The following CTBP1 variants were observed in gnomAD, a reference collection of about 807,000 sequenced individuals.
The protein encoded by CTBP1 is C-terminal-binding protein 1.
CTBP1 carries 11 observed loss-of-function variants against 42.1 expected under a neutral mutation model. The observed-to-expected ratio is 0.26, with a 90% CI of 0.16 to 0.43. CTBP1 has a LOEUF of 0.43. Ranked by LOEUF, CTBP1 falls within the 20% of genes least tolerant of loss-of-function variation. The pLI is 1.00. For synonymous variants in CTBP1, 324 were observed against 277.1 expected, an observed-to-expected ratio of 1.17 and a Z score of -1.68; for missense variants, 399 against 624.3, an observed-to-expected ratio of 0.64 and a Z score of 3.85.
intron 5 of CTBP1, among the ~76,000 whole-genome samples, chr4:1,222,784 G>A (rs1577033892): frequency 6.9e-6 from 1 of 145,754 alleles, no homozygotes; most frequent in Non-Finnish European, 1.5e-5. Context: ...TCAGGCCTCA[G>A]AGTGGCCACG....
intron 5 of CTBP1, among the ~76,000 whole-genome samples, chr4:1,225,013 C>G (rs1042601410): frequency 4.0e-5 from 6 of 151,814 alleles, no homozygotes; most frequent in African/African-American, 1.5e-4. Context: ...TATCTATGTG[C>G]CCATGAAGCC....
intron 5 of CTBP1, among the ~76,000 whole-genome samples, chr4:1,222,735 T>C (rs1264877213): frequency 6.6e-6 from 1 of 152,106 alleles, no homozygotes; most frequent in South Asian, 2.1e-4. Flanking sequence ...AGGGGCTGGT[T>C]GGGCCCAGCT....
At chr4:1,223,555 C>T in intron 5 of CTBP1, 1 of 452,622 alleles carries the variant, frequency 2.2e-6, no homozygotes, top group Non-Finnish European at 4.4e-6. Flanking sequence ...CAAGGGGAGT[C>T]CCTGGCATGG....
In CTBP1 at chr4:1,225,514, C is replaced by G. The variant is rs778804693; in HGVS notation, c.360G>C (p.Ser120=). 6.5e-6 allele frequency: 10 copies of G among 1,544,976 alleles called. No homozygotes were observed. The highest frequency in any genetic ancestry group is 5.9e-5 in the Admixed American group (3 of 51,020). ...ACAGGTTCAGGATGTGGCACAGCGTCGAGTCGGCCGTCTCCTCCACAGACG... is the reference window on the plus strand; with the variant it reads ...ACAGGTTCAGGATGTGGCACAGCGTGGAGTCGGCCGTCTCCTCCACAGACG... ...PAASVEETAD[S]TLCHILNLYR... Residue 120 remains serine, a synonymous_variant, in exon 5 of 10, where the codon TCG becomes TCC. Coordinates refer to ENST00000382952, the MANE Select transcript of CTBP1 (RefSeq NM_001012614.2).
chr4:1,249,733 C>T (rs2108819195), upstream of CTBP1: 1 of 375,668 alleles, frequency 2.7e-6, no homozygotes, highest in South Asian at 1.8e-5. Flanking sequence ...GCCCCGACTC[C>T]TGGAGGGACC....
At chr4:1,222,787 T>C (rs1729895205) in intron 5 of CTBP1, among the ~76,000 whole-genome samples, 1 of 150,354 alleles carries the variant, frequency 6.7e-6, no homozygotes, top group Non-Finnish European at 1.5e-5. Context: ...GGCCTCAGAG[T>C]GGCCACGGGA....
chr4:1,228,251 G>A lies in CTBP1; in HGVS notation c.255C>T (p.Val85=). 6.2e-7 allele frequency: 1 copy of A among 1,614,214 alleles called. No individual in the cohort carries two copies. Among genetic ancestry groups the A allele is most frequent in the East Asian group, 2.2e-5 (1 of 44,882 alleles). The part of the protein sequence containing the change: ...LEKFKALRII[V]RIGSGFDNID... ...TGTTGTCAAAACCACTGCCAATCCGGACGATGATGCGGAGGGCTTTGAACT... is the reference window on the plus strand; with the variant it reads ...TGTTGTCAAAACCACTGCCAATCCGAACGATGATGCGGAGGGCTTTGAACT... Residue 85 remains valine, a synonymous_variant, in exon 4 of 10, where the codon GTC becomes GTT. Transcript: ENST00000382952.
chr4:1,241,334 C>G lies in CTBP1; in HGVS notation c.-3G>C, dbSNP rs1241002328. On this transcript the variant is annotated 5_prime_UTR_variant, in exon 2 of 10. Transcript: ENST00000382952. ...AGGAACCCCTACCAACCTGACATCT[C>G]TTAATATGGGCTCAGCTTCCACGAC... 1 of 904,846 alleles carries G rather than the reference C, an allele frequency of 1.1e-6. No homozygotes were observed. The highest frequency in any genetic ancestry group is 2.4e-5 in the East Asian group (1 of 41,772). The allele number at this position is 904,846 out of a possible 1,614,324, so 56.1% of individuals were successfully genotyped here. A position where few individuals can be genotyped will look rare whatever the true frequency, so the allele number is the denominator to read the frequency against.
intron 5 of CTBP1, among the ~76,000 whole-genome samples, chr4:1,219,886 A>T (rs1729545242): frequency 6.6e-6 from 1 of 152,232 alleles, no homozygotes; most frequent in Non-Finnish European, 1.5e-5. Flanking sequence ...ACTCAAGTGT[A>T]TTTCTACCTA....
At position 1,220,039 on chromosome 4, in the gene CTBP1, T is replaced by G. The variant is rs1057373316; in HGVS notation, c.515-3834A>C. ...CAACATGGCAAAAACTTGTCTCTACTAAAAATACAAAAATTAGCCAGGCAT... is the reference window on the plus strand; with the variant it reads ...CAACATGGCAAAAACTTGTCTCTACGAAAAATACAAAAATTAGCCAGGCAT... On this transcript the variant is annotated intron_variant, in intron 5 of 9. Coordinates refer to ENST00000382952, the MANE Select transcript of CTBP1 (RefSeq NM_001012614.2). Among the ~76,000 whole-genome samples, 10 of 152,164 alleles carry G rather than the reference T, an allele frequency of 6.6e-5. No homozygotes were observed. The South Asian group carries it at 1.5e-3, about 22-fold the overall frequency.
chr4:1,248,819 G>A, intron 1 of CTBP1, 97 bp downstream of exon 1: 3 of 922,600 alleles, frequency 3.3e-6, no homozygotes, highest in Non-Finnish European at 3.9e-6. Context: ...CGGCCCGCGG[G>A]CGCGCGCTCG....
At chr4:1,227,085 G>C (rs1297505507) in intron 4 of CTBP1, among the ~76,000 whole-genome samples, 1 of 152,034 alleles carries the variant, frequency 6.6e-6, no homozygotes, top group Non-Finnish European at 1.5e-5. Flanking sequence ...GCTCCAAGCA[G>C]GACGGCCAAG....
Position 1,249,010 on chromosome 4 carries a change from G to T in CTBP1, c.-283C>A, listed in dbSNP as rs1389135467. ...CCACTCCGGCGCGCTGCGCCGCCGC[G>T]AGCCCGGCGCGTGGGGCGGCCTCGG... On this transcript the variant is annotated 5_prime_UTR_variant, in exon 1 of 10. Transcript: ENST00000382952. The T allele has an allele frequency of 1.1e-5, 10 of 901,988 alleles. No individual in the cohort carries two copies. Among genetic ancestry groups the T allele is most frequent in the Non-Finnish European group, 1.2e-5 (9 of 757,082 alleles). 55.9% of individuals were successfully genotyped at this position (901,988 alleles called of 1,614,324 possible).
At chr4:1,230,799 T>C (rs1250116) in intron 3 of CTBP1, among the ~76,000 whole-genome samples, 118,548 of 152,216 alleles carry the variant, frequency 0.78, 47,247 homozygotes, top group South Asian at 0.91. Context: ...GGTTGCTTCC[T>C]GCATCGGCTC....
Position 1,211,623 on chromosome 4 carries a change from T to G in CTBP1, c.*617A>C, listed in dbSNP as rs879622540. 4.6e-5 allele frequency: 7 copies of G among 152,442 alleles called. No individual in the cohort carries two copies. The highest frequency in any genetic ancestry group is 1.0e-4 in the Non-Finnish European group (7 of 68,040). 9.4% of individuals were successfully genotyped at this position (152,442 alleles called of 1,614,324 possible). ...AGACGTCGATGGGCAGCGGGCACGC[T>G]GGGCACCGCCCAAGCTTTTCCTTTT... On this transcript the variant is annotated 3_prime_UTR_variant, in exon 10 of 10. Transcript: ENST00000382952.
chr4:1,225,624 A>C, intron 4 of CTBP1, 58 bp from the exon 5 acceptor site: 1 of 1,484,314 alleles, frequency 6.7e-7, no homozygotes, highest in Non-Finnish European at 9.0e-7. Flanking sequence ...CCGGGAGGAC[A>C]CCGGGGCCGC....
chr4:1,223,508 G>C, intron 5 of CTBP1: 1 of 456,082 alleles, frequency 2.2e-6, no homozygotes. Flanking sequence ...GCAGGAGTGG[G>C]CTGCCTGGAT....
intron 3 of CTBP1, among the ~76,000 whole-genome samples, chr4:1,229,774 C>T (rs960717890): frequency 7.9e-5 from 12 of 152,292 alleles, no homozygotes; most frequent in South Asian, 6.2e-4. Flanking sequence ...CTACAGTGCC[C>T]GGACCTCCAG....
chr4:1,214,498 G>A, intron 6 of CTBP1, 25 bp from the exon 7 acceptor site: 1 of 1,552,130 alleles, frequency 6.4e-7, no homozygotes, highest in Non-Finnish European at 8.6e-7. Flanking sequence ...GACAGGCCAG[G>A]CCCAGTCAGG....
Sources: allele counts gnomAD v4.1 joint callset (sites outside exome capture counted in the v4.1 genomes callset), GRCh38; gene constraint gnomAD v4.1.1; transcripts MANE v1.5; gene names NCBI Gene and HGNC (gene_info 2026-07-23, HGNC 2026-07-21).